The following REDIC1 variants were observed in gnomAD, a reference collection of about 807,000 sequenced individuals.
The protein encoded by REDIC1 is regulator of DNA class I crossover intermediates 1.
At chr12:39,841,559 TATAC>T in the REDIC1 span, among the ~76,000 whole-genome samples, 1 of 152,102 alleles carries the variant, frequency 6.6e-6, no homozygotes, top group Non-Finnish European at 1.5e-5. Context: ...TGTATATCTA[TATAC>T]ATATACATAT....
At chr12:39,798,843 CAT>C in the REDIC1 span, among the ~76,000 whole-genome samples, 3 of 151,788 alleles carry the variant, frequency 2.0e-5, no homozygotes, top group Non-Finnish European at 4.4e-5. Context: ...GATGTATAAA[CAT>C]ATGTTAATGC....
chr12:39,760,357 A>G, the REDIC1 span: 1 of 1,031,096 alleles, frequency 9.7e-7, no homozygotes, highest in Non-Finnish European at 1.4e-6. Context: ...GTCATGCATA[A>G]TCACAGTATG....
the REDIC1 span, among the ~76,000 whole-genome samples, chr12:39,651,343 G>A: frequency 6.6e-6 from 1 of 151,706 alleles, no homozygotes; most frequent in South Asian, 2.1e-4. Flanking sequence ...TGAAACTGTG[G>A]GTAATAGGGA....
chr12:39,692,234 A>G, the REDIC1 span: 2 of 937,764 alleles, frequency 2.1e-6, no homozygotes, highest in Non-Finnish European at 3.0e-6. Context: ...TGGATATTTT[A>G]GTACTACTAA....
At chr12:39,896,148 ATGTATACACG>A in the REDIC1 span, among the ~76,000 whole-genome samples, 1 of 148,730 alleles carries the variant, frequency 6.7e-6, no homozygotes, top group South Asian at 2.1e-4. Context: ...GTACCTATAT[ATGTATACACG>A]TGTATACATA....
At chr12:39,803,644 TGAA>T in the REDIC1 span, among the ~76,000 whole-genome samples, 1 of 151,948 alleles carries the variant, frequency 6.6e-6, no homozygotes, top group Non-Finnish European at 1.5e-5. Flanking sequence ...TGGATATATG[TGAA>T]GAAAAGCAGT....
At chr12:39,890,089 A>G in the REDIC1 span, among the ~76,000 whole-genome samples, 1 of 152,294 alleles carries the variant, frequency 6.6e-6, no homozygotes, top group East Asian at 1.9e-4. Flanking sequence ...CACCAATTTT[A>G]AGTAATACCA....
the REDIC1 span, among the ~76,000 whole-genome samples, chr12:39,770,412 C>G: frequency 6.6e-6 from 1 of 152,154 alleles, no homozygotes; most frequent in African/African-American, 2.4e-5. Context: ...AATCGTGACT[C>G]TACCACTTAA....
At chr12:39,666,952 T>C in the REDIC1 span, among the ~76,000 whole-genome samples, 1 of 152,212 alleles carries the variant, frequency 6.6e-6, no homozygotes, top group African/African-American at 2.4e-5. Context: ...TTGATTCTTC[T>C]CTCTTTTCTT....
the REDIC1 span, among the ~76,000 whole-genome samples, chr12:39,652,852 A>T: frequency 1.3e-5 from 2 of 152,094 alleles, no homozygotes; most frequent in African/African-American, 2.4e-5. Context: ...ATTGACTGTA[A>T]ATATAAGGAT....
At chr12:39,798,795 A>C in the REDIC1 span, among the ~76,000 whole-genome samples, 1 of 152,144 alleles carries the variant, frequency 6.6e-6, no homozygotes, top group African/African-American at 2.4e-5. Context: ...TGAAGCTCAA[A>C]ATACTTTGTA....
the REDIC1 span, among the ~76,000 whole-genome samples, chr12:39,729,992 T>A: frequency 6.6e-6 from 1 of 152,216 alleles, no homozygotes. Context: ...CCCTGCTTTT[T>A]TTGCTTTCTA....
the REDIC1 span, among the ~76,000 whole-genome samples, chr12:39,844,178 G>C: frequency 6.6e-6 from 1 of 151,992 alleles, no homozygotes; most frequent in Non-Finnish European, 1.5e-5. Flanking sequence ...TAGTTAACTA[G>C]TTGTGTTACC....
chr12:39,753,131 T>C, the REDIC1 span, among the ~76,000 whole-genome samples: 20,379 of 152,242 alleles, frequency 0.13, 1,643 homozygotes, highest in East Asian at 0.39. Flanking sequence ...AAAATTTTCT[T>C]TTTTGTTAAA....
the REDIC1 span, among the ~76,000 whole-genome samples, chr12:39,898,637 A>G: frequency 6.6e-6 from 1 of 152,128 alleles, no homozygotes; most frequent in South Asian, 2.1e-4. Flanking sequence ...TTAGCCTGAT[A>G]CTCACACTAT....
At chr12:39,719,275 TAC>T in the REDIC1 span, among the ~76,000 whole-genome samples, 1 of 152,112 alleles carries the variant, frequency 6.6e-6, no homozygotes, top group Non-Finnish European at 1.5e-5. Flanking sequence ...TGCTTATAAT[TAC>T]ATTTTAAATG....
chr12:39,724,137 C>T, the REDIC1 span, among the ~76,000 whole-genome samples: 1 of 152,092 alleles, frequency 6.6e-6, no homozygotes, highest in Admixed American at 6.6e-5. Context: ...TGAGCGCAGT[C>T]GTTTTAAACA....
At chr12:39,695,189 T>C in the REDIC1 span, among the ~76,000 whole-genome samples, 3 of 152,142 alleles carry the variant, frequency 2.0e-5, no homozygotes, top group African/African-American at 7.2e-5. Flanking sequence ...GTGATGGCTA[T>C]AGGACAAGAC....
the REDIC1 span, among the ~76,000 whole-genome samples, chr12:39,879,906 G>T: frequency 6.6e-6 from 1 of 152,180 alleles, no homozygotes; most frequent in Admixed American, 6.5e-5. Flanking sequence ...ATGTTGAATT[G>T]TAATCCCAAG....
Sources: gnomAD v4.1 joint callset for allele counts (sites outside exome capture counted in the v4.1 genomes callset) on GRCh38, gnomAD v4.1.1 for gene constraint, MANE v1.5 for transcripts, NCBI Gene and HGNC (gene_info 2026-07-23, HGNC 2026-07-21) for gene names.